The following ADARB2 variants were observed in gnomAD, a reference collection of about 807,000 sequenced individuals.
ADARB2 encodes the protein adenosine deaminase RNA specific B2 (inactive), also known as inactive double-stranded RNA-specific editase B2.
ADARB2 carries 25 observed loss-of-function variants against 62.2 expected under a neutral mutation model. The ratio of observed to expected loss-of-function variants is 0.40; its 90% CI spans 0.29 to 0.56. The LOEUF (loss-of-function observed/expected upper bound fraction) is 0.56, where lower values mean the gene tolerates loss of function less well. Among genes scored for constraint, ADARB2 ranks in the 20% least tolerant of loss-of-function variants. The pLI is 0.43. For missense variants in ADARB2, 1,071 were observed against 1,077.4 expected (o/e 0.99, Z 0.08); for synonymous variants, 572 against 500.8 (o/e 1.14, Z -1.90).
At chr10:1,408,120 TA>T (rs1360283915) in intron 1 of ADARB2, among the ~76,000 whole-genome samples, 2 of 152,226 alleles carry the variant, frequency 1.3e-5, no homozygotes, top group African/African-American at 2.4e-5. Context: ...AATTTGTAAA[TA>T]TGGGTGCATG....
intron 1 of ADARB2, among the ~76,000 whole-genome samples, chr10:1,634,161 G>C (rs7903645): frequency 0.21 from 31,551 of 152,042 alleles, 3,500 homozygotes; most frequent in Admixed American, 0.26. Flanking sequence ...AGGACCCTGG[G>C]GCCACACCCG....
chr10:1,185,318 C>T (rs1183814510), intron 8 of ADARB2, among the ~76,000 whole-genome samples: 2 of 152,126 alleles, frequency 1.3e-5, no homozygotes, highest in African/African-American at 4.8e-5. Context: ...GTCCAGATTC[C>T]CCCCCCTTCT....
At position 1,363,362 on chromosome 10, in the gene ADARB2, G is replaced by A. The variant is rs1452389626; in HGVS notation, c.743C>T (p.Ser248Phe). The change falls in exon 3 of 10, where the codon TCC becomes TTC. Residue 248 changes from serine (S) to phenylalanine (F), a missense_variant. Coordinates refer to ENST00000381312, the MANE Select transcript of ADARB2 (RefSeq NM_018702.4). ...GGRPGDAALL[S>F]AAYGRRRLLC... ...CAGCCGCCGTCGCCCGTAGGCCGCG[G>A]ACAGAAGCGCGGCGTCCCCGGGGCG... The A allele has an allele frequency of 7.7e-7, 1 of 1,304,294 alleles. No individual in the cohort carries two copies. The highest frequency in any genetic ancestry group is 1.6e-5 in the African/African-American group (1 of 64,166). 80.8% of individuals were successfully genotyped at this position (1,304,294 alleles called of 1,614,324 possible).
intron 4 of ADARB2, among the ~76,000 whole-genome samples, chr10:1,253,283 G>A (rs1345044363): frequency 2.0e-5 from 3 of 152,118 alleles, no homozygotes; most frequent in Admixed American, 2.0e-4. Context: ...TCCCTTGCTA[G>A]AATAACACAC....
chr10:1,345,710 T>C (rs1278945679), intron 3 of ADARB2, among the ~76,000 whole-genome samples: 2 of 152,188 alleles, frequency 1.3e-5, no homozygotes, highest in Non-Finnish European at 1.5e-5. Context: ...TGTAGGGTCA[T>C]GTACAGAATC....
intron 1 of ADARB2, among the ~76,000 whole-genome samples, chr10:1,652,562 C>G (rs774778496): frequency 6.6e-6 from 1 of 152,174 alleles, no homozygotes; most frequent in Admixed American, 6.5e-5. Context: ...GTGCGGTGTG[C>G]AAAAGAAAGT....
At chr10:1,734,271 G>A (rs1835272203) in intron 1 of ADARB2, among the ~76,000 whole-genome samples, 1 of 145,718 alleles carries the variant, frequency 6.9e-6, no homozygotes, top group East Asian at 2.1e-4. Context: ...AATAATACCT[G>A]AAAGTCATAT....
intron 3 of ADARB2, among the ~76,000 whole-genome samples, chr10:1,351,329 A>G (rs186714793): frequency 1.7e-3 from 261 of 152,126 alleles, no homozygotes; most frequent in African/African-American, 6.1e-3. Context: ...TACGGAGGCT[A>G]CCCACTCCAC....
chr10:1,579,456 TATG>T (rs750868558), intron 1 of ADARB2, among the ~76,000 whole-genome samples: 27 of 152,174 alleles, frequency 1.8e-4, no homozygotes, highest in South Asian at 4.1e-4. Flanking sequence ...AATTGTTGAC[TATG>T]ATTTGAGAGA....
chr10:1,438,347 G>A (rs1830858319), intron 1 of ADARB2, among the ~76,000 whole-genome samples: 2 of 147,408 alleles, frequency 1.4e-5, no homozygotes, highest in Non-Finnish European at 3.0e-5. Flanking sequence ...TTCATGATGG[G>A]GCTCCTGAGT....
chr10:1,478,268 G>A (rs12255008), intron 1 of ADARB2, among the ~76,000 whole-genome samples: 60 of 152,274 alleles, frequency 3.9e-4, no homozygotes, highest in African/African-American at 1.4e-3. Context: ...GGAAGCCCTG[G>A]GAACAGCGTC....
chr10:1,292,955 G>GGAGAGAGAGGGAGAGGGAGGGAAGGA (rs1474305092), intron 3 of ADARB2: 5 of 38,116 alleles, frequency 1.3e-4, no homozygotes, highest in Non-Finnish European at 2.1e-4. Context: ...AGAGAGGGAA[G>GGAGAGAGAGGGAGAGGGAGGGAAGGA]GAGAGAGAGG....
In ADARB2 at chr10:1,351,139, T is replaced by A. The variant is rs376205377; in HGVS notation, c.1077+11889A>T. On this transcript the variant is annotated intron_variant, in intron 3 of 9. Coordinates refer to ENST00000381312, the MANE Select transcript of ADARB2 (RefSeq NM_018702.4). Reference sequence around the variant, plus strand: ...AATCAGACTGTTCAACTCACCTGGCTGCCACTCCCAGAGCCCCTGGAACTC... The same window carrying A: ...AATCAGACTGTTCAACTCACCTGGCAGCCACTCCCAGAGCCCCTGGAACTC... 6.6e-5 allele frequency among the ~76,000 whole-genome samples: 10 copies of A among 152,312 alleles called. 1 individual carries two copies. The highest frequency in any genetic ancestry group is 5.9e-5 in the Non-Finnish European group (4 of 68,026).
intron 1 of ADARB2, among the ~76,000 whole-genome samples, chr10:1,500,421 T>G (rs1831752573): frequency 6.6e-6 from 1 of 152,234 alleles, no homozygotes; most frequent in Admixed American, 6.5e-5. Flanking sequence ...CCAGTAGAAA[T>G]TCTGTTTTCA....
chr10:1,673,192 A>G (rs1386827768), intron 1 of ADARB2, among the ~76,000 whole-genome samples: 1 of 152,186 alleles, frequency 6.6e-6, no homozygotes, highest in African/African-American at 2.4e-5. Context: ...TCCAACTCAC[A>G]TTGTAAAAAC....
intron 1 of ADARB2, among the ~76,000 whole-genome samples, chr10:1,425,883 C>T (rs1832889814): frequency 6.6e-6 from 1 of 152,188 alleles, no homozygotes; most frequent in Non-Finnish European, 1.5e-5. Flanking sequence ...AAGCCACAGC[C>T]TTCCAACTGC....
intron 6 of ADARB2, among the ~76,000 whole-genome samples, chr10:1,222,755 G>C (rs1455195320): frequency 2.0e-5 from 3 of 149,226 alleles, no homozygotes; most frequent in Non-Finnish European, 4.4e-5. Context: ...TGAGGGCTCT[G>C]TTCTGTTCCA....
intron 1 of ADARB2, among the ~76,000 whole-genome samples, chr10:1,478,306 G>T (rs1334155094): frequency 2.6e-5 from 4 of 152,336 alleles, no homozygotes; most frequent in African/African-American, 9.6e-5. Flanking sequence ...TGGGTCTTCT[G>T]TGTCTCAACC....
At chr10:1,589,507 C>T (rs564380356) in intron 1 of ADARB2, among the ~76,000 whole-genome samples, 67 of 152,032 alleles carry the variant, frequency 4.4e-4, no homozygotes, top group Non-Finnish European at 6.6e-4. Context: ...CATCCACGGT[C>T]GGGGCGTCCA....
Sources: gnomAD v4.1 joint callset for allele counts (sites outside exome capture counted in the v4.1 genomes callset) on GRCh38, gnomAD v4.1.1 for gene constraint, MANE v1.5 for transcripts, NCBI Gene and HGNC (gene_info 2026-07-23, HGNC 2026-07-21) for gene names.